MPP7: variants seen among roughly 807,000 people sequenced by gnomAD.
MPP7 encodes the protein MAGUK p55 subfamily member 7.
A neutral mutation model predicts 76.5 loss-of-function variants in MPP7; 60 were observed. The observed-to-expected ratio is 0.78, with a 90% CI of 0.64 to 0.97. MPP7 has a LOEUF of 0.97. Ranked by LOEUF, MPP7 falls within the 50% of genes least tolerant of loss-of-function variation. The probability of loss-of-function intolerance (pLI) is 0.00; values close to 1 mark genes in which losing one functional copy is unlikely to be tolerated. For missense variants in MPP7, 641 were observed against 694.0 expected (o/e 0.92, Z 0.86); for synonymous variants, 237 against 244.5 (o/e 0.97, Z 0.29).
At chr10:28,104,096 G>C (rs1280243502) in intron 11 of MPP7, among the ~76,000 whole-genome samples, 1 of 152,096 alleles carries the variant, frequency 6.6e-6, no homozygotes, top group South Asian at 2.1e-4. Context: ...AAAGAAAAGA[G>C]AAGACAAAAG....
At position 28,131,585 on chromosome 10, in the gene MPP7, C is replaced by A; in HGVS notation, c.422G>T (p.Arg141Leu). 11 of 1,601,060 alleles carry A rather than the reference C, an allele frequency of 6.9e-6. No homozygotes were observed. The highest frequency in any genetic ancestry group is 9.4e-6 in the Non-Finnish European group (11 of 1,172,674). ...DDEEDSVKII[R>L]LVKNREPLGA... is the part of the protein sequence containing the mutation. ...CAGTGGTTCTCTATTTTTGACCAGA[C>A]GGATTATTTTTACTGAGTCTTCCTC... The change falls in exon 6 of 17, where the codon CGT becomes CTT. Residue 141 changes from arginine to leucine, a missense_variant. Coordinates refer to ENST00000683449, the MANE Select transcript of MPP7 (RefSeq NM_001318170.2).
At chr10:28,256,604 T>C (rs1588990170) in intron 1 of MPP7, among the ~76,000 whole-genome samples, 3 of 144,766 alleles carry the variant, frequency 2.1e-5, no homozygotes, top group South Asian at 5.0e-4. Flanking sequence ...GAGGATGGGA[T>C]ATAAAATTGG....
intron 3 of MPP7, among the ~76,000 whole-genome samples, chr10:28,198,318 T>G (rs1462847369): frequency 2.0e-5 from 3 of 152,156 alleles, no homozygotes; most frequent in Non-Finnish European, 4.4e-5. Flanking sequence ...GGCTCACACC[T>G]GTAGTCCTAA....
intron 1 of MPP7, among the ~76,000 whole-genome samples, chr10:28,297,853 G>A (rs578203079): frequency 1.3e-5 from 2 of 152,346 alleles, no homozygotes; most frequent in East Asian, 3.9e-4. Context: ...CAAGTTTACA[G>A]AATATTGTAA....
intron 1 of MPP7, among the ~76,000 whole-genome samples, chr10:28,259,554 T>C (rs1839885410): frequency 7.2e-6 from 1 of 138,820 alleles, no homozygotes; most frequent in Non-Finnish European, 1.5e-5. Context: ...ACCACTGCAC[T>C]CCAGCCTGGG....
intron 2 of MPP7, among the ~76,000 whole-genome samples, chr10:28,212,764 T>C (rs1340821373): frequency 6.6e-6 from 1 of 152,166 alleles, no homozygotes; most frequent in Non-Finnish European, 1.5e-5. Flanking sequence ...CCATCCACTG[T>C]GTAAACGCCA....
At chr10:28,252,461 A>C (rs1839644852) in intron 1 of MPP7, among the ~76,000 whole-genome samples, 1 of 152,264 alleles carries the variant, frequency 6.6e-6, no homozygotes, top group African/African-American at 2.4e-5. Flanking sequence ...ACCACAGTAC[A>C]TAGGCATTTA....
At chr10:28,057,704 A>C in intron 15 of MPP7, 1 of 1,264,668 alleles carries the variant, frequency 7.9e-7, no homozygotes, top group Non-Finnish European at 1.0e-6. Context: ...TGCCCAAGTC[A>C]GGAGGCAGCC....
rs1029439860 is a variant in MPP7, at chr10:28,329,366, C to T, written c.-132+563G>A. On this transcript the variant is annotated intron_variant, in intron 2 of 11. Coordinates refer to the MPP7 transcript ENST00000441595. Reference sequence around the variant, plus strand: ...TTACCTTAAAAACCACTACTTTACACGCCTGTAATCCCAGCACTTTGGGAA... The same window carrying T: ...TTACCTTAAAAACCACTACTTTACATGCCTGTAATCCCAGCACTTTGGGAA... 3.3e-5 allele frequency among the ~76,000 whole-genome samples: 5 copies of T among 152,128 alleles called. No individual in the cohort carries two copies. The South Asian group carries it at 6.2e-4, about 19-fold the overall frequency.
chr10:28,319,606 C>T (rs1324872638), intron 2 of MPP7, among the ~76,000 whole-genome samples: 1 of 152,106 alleles, frequency 6.6e-6, no homozygotes, highest in Non-Finnish European at 1.5e-5. Context: ...TTATGACTTA[C>T]ATTTGGCTAC....
chr10:28,144,797 G>A (rs1009606717), intron 5 of MPP7, among the ~76,000 whole-genome samples: 1 of 151,934 alleles, frequency 6.6e-6, no homozygotes, highest in Non-Finnish European at 1.5e-5. Context: ...ATTTCCATAC[G>A]CTCCCTCTTT....
intron 1 of MPP7, among the ~76,000 whole-genome samples, chr10:28,261,987 T>C (rs1004597211): frequency 6.7e-6 from 1 of 150,086 alleles, no homozygotes; most frequent in Admixed American, 6.7e-5. Flanking sequence ...CCATCTCTAC[T>C]AAAAATACAA....
intron 3 of MPP7, among the ~76,000 whole-genome samples, chr10:28,156,944 T>G (rs1011106012): frequency 6.6e-6 from 1 of 152,006 alleles, no homozygotes; most frequent in African/African-American, 2.4e-5. Flanking sequence ...GTGTGGTGGC[T>G]CACACCTGTA....
chr10:28,267,036 T>C (rs1222089247), intron 1 of MPP7, among the ~76,000 whole-genome samples: 2 of 152,248 alleles, frequency 1.3e-5, no homozygotes, highest in African/African-American at 4.8e-5. Flanking sequence ...GTGTGCCATC[T>C]GTTCTGCCAT....
intron 12 of MPP7, among the ~76,000 whole-genome samples, chr10:28,075,224 A>G (rs1490639630): frequency 6.6e-6 from 1 of 151,976 alleles, no homozygotes; most frequent in Non-Finnish European, 1.5e-5. Flanking sequence ...ACCAGGCCCC[A>G]CCTCCGACAC....
At chr10:28,133,930 T>C (rs1260154484) in intron 5 of MPP7, among the ~76,000 whole-genome samples, 1 of 152,172 alleles carries the variant, frequency 6.6e-6, no homozygotes, top group African/African-American at 2.4e-5. Context: ...AACATATAAA[T>C]ATGTTGCAAT....
intron 1 of MPP7, among the ~76,000 whole-genome samples, chr10:28,265,061 C>G (rs756522919): frequency 1.2e-4 from 18 of 152,130 alleles, no homozygotes; most frequent in Non-Finnish European, 2.5e-4. Context: ...ACTCAGGATG[C>G]ACCTCCCATT....
At chr10:28,197,181 CTTTT>C (rs11330044) in intron 3 of MPP7, among the ~76,000 whole-genome samples, 1 of 115,238 alleles carries the variant, frequency 8.7e-6, no homozygotes, top group Non-Finnish European at 1.7e-5. Flanking sequence ...GAGCAACTTC[CTTTT>C]TTTTTTTTTT....
rs758814785 is a variant in MPP7, at chr10:28,056,588, G to A, written c.1443C>T (p.Pro481=). ...VKHLRTLEFK[P]YVIFIKPPSI... Reference sequence around the variant, plus strand: ...ATGGAGGCTTTATAAATATCACATAGGGCTTAAATTCTAGTGTCCTTAAAT... The same window carrying A: ...ATGGAGGCTTTATAAATATCACATAAGGCTTAAATTCTAGTGTCCTTAAAT... The change falls in exon 16 of 17, where the codon CCC becomes CCT. Residue 481 remains proline (P), a synonymous_variant. Coordinates refer to ENST00000683449, the MANE Select transcript of MPP7 (RefSeq NM_001318170.2). The A allele has an allele frequency of 3.7e-6, 6 of 1,605,104 alleles. No individual in the cohort carries two copies. Among genetic ancestry groups the A allele is most frequent in the East Asian group, 4.5e-5 (2 of 44,516 alleles).
Sources: allele counts gnomAD v4.1 joint callset (sites outside exome capture counted in the v4.1 genomes callset), GRCh38; gene constraint gnomAD v4.1.1; transcripts MANE v1.5; gene names NCBI Gene and HGNC (gene_info 2026-07-23, HGNC 2026-07-21).